The following ABCC4 variants were observed in gnomAD, a reference collection of about 807,000 sequenced individuals.
ABCC4 encodes ATP-binding cassette sub-family C member 4.
ABCC4 carries 102 observed loss-of-function variants against 168.5 expected under a neutral mutation model. The observed-to-expected ratio is 0.61, with a 90% CI of 0.52 to 0.71. The LOEUF (loss-of-function observed/expected upper bound fraction) is 0.71, where lower values mean the gene tolerates loss of function less well. ABCC4 is among the 30% of genes least tolerant of loss of function. The pLI is 0.00. For synonymous variants in ABCC4, 617 were observed against 590.7 expected (o/e 1.04, Z -0.65); for missense variants, 1,402 against 1,605.8 (o/e 0.87, Z 2.17).
At chr13:95,120,994 G>A (rs558096065) in intron 19 of ABCC4, among the ~76,000 whole-genome samples, 1 of 152,292 alleles carries the variant, frequency 6.6e-6, no homozygotes, top group African/African-American at 2.4e-5. Flanking sequence ...ACTCAGCTTA[G>A]ACCAAAATGA....
intron 20 of ABCC4, chr13:95,096,277 C>T (rs989379498): frequency 1.1e-5 from 5 of 452,486 alleles, no homozygotes; most frequent in African/African-American, 2.0e-5. Flanking sequence ...ACAAATTATC[C>T]AAATGAAAGA....
chr13:95,093,322 A>T (rs1248554887), intron 20 of ABCC4, among the ~76,000 whole-genome samples: 1 of 152,170 alleles, frequency 6.6e-6, no homozygotes, highest in Non-Finnish European at 1.5e-5. Flanking sequence ...ATCCAACAAC[A>T]TATCAAAAAG....
chr13:95,175,306 ATTTT>A (rs950877877), intron 13 of ABCC4, among the ~76,000 whole-genome samples: 2 of 150,500 alleles, frequency 1.3e-5, no homozygotes, highest in Non-Finnish European at 3.0e-5. Flanking sequence ...CTTTTTTAAA[ATTTT>A]TTTTTTATTA....
At position 95,170,645 on chromosome 13, in the gene ABCC4, C is replaced by T. The variant is rs2037436850; in HGVS notation, c.1728-17G>A. 1.3e-6 allele frequency: 2 copies of T among 1,539,874 alleles called. No individual in the cohort carries two copies. The highest frequency in any genetic ancestry group is 8.9e-7 in the Non-Finnish European group (1 of 1,122,876). Reference sequence around the variant, plus strand: ...CAAATACACCTATAAATGTAAAAGGCACAGGGTGAAAAAATGCATGAATGG... The same window carrying T: ...CAAATACACCTATAAATGTAAAAGGTACAGGGTGAAAAAATGCATGAATGG... On this transcript the variant is annotated splice_polypyrimidine_tract_variant and intron_variant, in intron 13 of 30. Transcript: ENST00000645237.
intron 1 of ABCC4, among the ~76,000 whole-genome samples, chr13:95,267,439 C>T (rs2040715233): frequency 6.6e-6 from 1 of 152,154 alleles, no homozygotes; most frequent in African/African-American, 2.4e-5. Context: ...TCCATTAAAC[C>T]TCTTTCTTTT....
At chr13:95,052,213 T>C (rs1253754281) in intron 27 of ABCC4, among the ~76,000 whole-genome samples, 1 of 151,996 alleles carries the variant, frequency 6.6e-6, no homozygotes, top group East Asian at 1.9e-4. Flanking sequence ...ACTTCTGACC[T>C]CCAGTGATTC....
chr13:95,104,122 T>TTTG (rs144020577), intron 20 of ABCC4, among the ~76,000 whole-genome samples: 5 of 152,140 alleles, frequency 3.3e-5, no homozygotes, highest in East Asian at 1.9e-4. Flanking sequence ...TTTGGGTTTT[T>TTTG]TTGTTGTTGT....
intron 13 of ABCC4, among the ~76,000 whole-genome samples, chr13:95,176,403 G>A (rs1233693008): frequency 1.3e-5 from 2 of 152,040 alleles, no homozygotes; most frequent in Non-Finnish European, 2.9e-5. Context: ...GCTGAGGCAG[G>A]AGAATCTCTT....
intron 4 of ABCC4, among the ~76,000 whole-genome samples, chr13:95,225,358 C>T (rs61965942): frequency 0.16 from 24,294 of 152,056 alleles, 2,631 homozygotes; most frequent in Non-Finnish European, 0.24. Context: ...TAACAACAAA[C>T]GGTAAGTGAA....
intron 4 of ABCC4, among the ~76,000 whole-genome samples, chr13:95,219,519 G>C (rs1333861124): frequency 3.3e-5 from 5 of 152,168 alleles, no homozygotes; most frequent in Non-Finnish European, 5.9e-5. Context: ...TCATCTTTTT[G>C]TTGTGTGTGT....
At chr13:95,183,944 G>A (rs2037979063) in intron 11 of ABCC4, among the ~76,000 whole-genome samples, 1 of 148,714 alleles carries the variant, frequency 6.7e-6, no homozygotes, top group Non-Finnish European at 1.5e-5. Flanking sequence ...GCGAGCAAAT[G>A]ACAAAGCTGG....
intron 19 of ABCC4, among the ~76,000 whole-genome samples, chr13:95,116,327 C>T (rs1004341691): frequency 6.6e-6 from 1 of 152,140 alleles, no homozygotes; most frequent in African/African-American, 2.4e-5. Context: ...TCTAGGACTT[C>T]CATCCAAGTG....
At chr13:95,246,530 G>A (rs951101769) in intron 3 of ABCC4, among the ~76,000 whole-genome samples, 2 of 152,154 alleles carry the variant, frequency 1.3e-5, no homozygotes, top group Non-Finnish European at 2.9e-5. Flanking sequence ...TATTTGTTGA[G>A]CACCTGTAAA....
At chr13:95,106,355 G>A (rs763344831) in intron 20 of ABCC4, among the ~76,000 whole-genome samples, 21 of 150,608 alleles carry the variant, frequency 1.4e-4, no homozygotes, top group Non-Finnish European at 2.2e-4. Flanking sequence ...ATATGTGCGC[G>A]TATATATATA....
intron 1 of ABCC4, among the ~76,000 whole-genome samples, chr13:95,273,366 G>A (rs142503725): frequency 6.6e-6 from 1 of 152,276 alleles, no homozygotes; most frequent in East Asian, 1.9e-4. Context: ...TGGGCGTGGG[G>A]TCCCAAATAA....
chr13:95,292,042 A>G (rs2041417178), intron 1 of ABCC4, among the ~76,000 whole-genome samples: 1 of 152,158 alleles, frequency 6.6e-6, no homozygotes, highest in South Asian at 2.1e-4. Flanking sequence ...TGTAGCAGGC[A>G]TCTCAAACTT....
intron 19 of ABCC4, among the ~76,000 whole-genome samples, chr13:95,126,933 C>T (rs2035802985): frequency 6.8e-6 from 1 of 147,970 alleles, no homozygotes; most frequent in South Asian, 2.1e-4. Context: ...GAAATTTAAC[C>T]ATTGAATTTC....
chr13:95,163,564 T>A, intron 17 of ABCC4, 46 bp downstream of exon 17: 1 of 1,531,336 alleles, frequency 6.5e-7, no homozygotes. Flanking sequence ...GCGAGTCTTC[T>A]TACTGATTTT....
At chr13:95,169,376 G>T (rs536473386) in intron 14 of ABCC4, among the ~76,000 whole-genome samples, 1 of 152,250 alleles carries the variant, frequency 6.6e-6, no homozygotes, top group South Asian at 2.1e-4. Flanking sequence ...TAAAATCACA[G>T]ATCAAACCAT....
Sources: gnomAD v4.1 joint callset for allele counts (sites outside exome capture counted in the v4.1 genomes callset) on GRCh38, gnomAD v4.1.1 for gene constraint, MANE v1.5 for transcripts, NCBI Gene and HGNC (gene_info 2026-07-23, HGNC 2026-07-21) for gene names.